CCL24: variants seen among roughly 807,000 people sequenced by gnomAD.
CCL24 encodes the protein C-C motif chemokine 24.
A neutral mutation model predicts 8.6 loss-of-function variants in CCL24; 6 were observed. The ratio of observed to expected loss-of-function variants is 0.70; its 90% CI spans 0.38 to 1.38. CCL24 has a LOEUF of 1.38. CCL24 is among the 40% of genes most tolerant of loss of function. The probability of loss-of-function intolerance (pLI) is 0.02; values close to 1 mark genes in which losing one functional copy is unlikely to be tolerated. For synonymous variants in CCL24, 59 were observed against 52.7 expected, an observed-to-expected ratio of 1.12 and a Z score of -0.52; for missense variants, 126 against 147.1, an observed-to-expected ratio of 0.86 and a Z score of 0.74.
chr7:75,822,877 C>T (rs148558234), intron 1 of CCL24, among the ~76,000 whole-genome samples: 3 of 152,286 alleles, frequency 2.0e-5, no homozygotes, highest in Admixed American at 6.5e-5. Flanking sequence ...AGTTAAATGA[C>T]TTGCTCAAGA....
chr7:75,813,823 C>T (rs533215657), upstream of CCL24: 6 of 813,892 alleles, frequency 7.4e-6, no homozygotes, highest in African/African-American at 1.0e-4. Flanking sequence ...AACTCCCTCC[C>T]TCTGCCCTTT....
chr7:75,819,351 G>A (rs1316084253), intron 1 of CCL24, among the ~76,000 whole-genome samples: 2 of 109,250 alleles, frequency 1.8e-5, no homozygotes, highest in Non-Finnish European at 3.6e-5. Flanking sequence ...TAGGCTGGGC[G>A]ATGTGGCTCA....
At chr7:75,823,150 G>A (rs2115823627) in intron 1 of CCL24, among the ~76,000 whole-genome samples, 1 of 152,294 alleles carries the variant, frequency 6.6e-6, no homozygotes, top group South Asian at 2.1e-4. Flanking sequence ...TGATGCAGGG[G>A]GGAGAGGGCA....
upstream of CCL24, among the ~76,000 whole-genome samples, chr7:75,815,119 G>A (rs977860265): frequency 6.6e-6 from 1 of 151,510 alleles, no homozygotes; most frequent in Admixed American, 6.6e-5. Flanking sequence ...CGGGAGGATT[G>A]ACTGAGGCCA....
chr7:75,813,551 G>A (rs1480684718), intron 1 of CCL24, 92 bp downstream of exon 1: 8 of 1,313,798 alleles, frequency 6.1e-6, no homozygotes, highest in African/African-American at 2.9e-5. Context: ...TTTCCCCAGC[G>A]CTTCCCTCCA....
At chr7:75,821,936 A>AG (rs1804059160) in intron 1 of CCL24, among the ~76,000 whole-genome samples, 1 of 151,210 alleles carries the variant, frequency 6.6e-6, no homozygotes. Context: ...TCAAAAAAAA[A>AG]AAAAAAGAAA....
At chr7:75,820,049 C>G (rs1321127889) in intron 1 of CCL24, among the ~76,000 whole-genome samples, 2 of 139,112 alleles carry the variant, frequency 1.4e-5, no homozygotes, top group Middle Eastern at 3.5e-3. Flanking sequence ...TCTTCTTCTT[C>G]TTCTTCTTCT....
At chr7:75,822,216 C>T (rs1274337691) in intron 1 of CCL24, among the ~76,000 whole-genome samples, 1 of 152,206 alleles carries the variant, frequency 6.6e-6, no homozygotes, top group African/African-American at 2.4e-5. Flanking sequence ...AACTGCCCCA[C>T]CCAGCTCAAG....
intron 1 of CCL24, among the ~76,000 whole-genome samples, chr7:75,820,162 TC>T (rs1554534897): frequency 2.3e-5 from 2 of 86,034 alleles, no homozygotes; most frequent in African/African-American, 4.1e-5. Flanking sequence ...CTTCTCCTTC[TC>T]CTTCTCCTTC....
At chr7:75,820,736 TACCC>T (rs1554534979) in intron 1 of CCL24, among the ~76,000 whole-genome samples, 2 of 143,486 alleles carry the variant, frequency 1.4e-5, no homozygotes, top group Non-Finnish European at 3.0e-5. Flanking sequence ...CCCATCCACC[TACCC>T]ACCCATGCAT....
intron 1 of CCL24, among the ~76,000 whole-genome samples, chr7:75,820,842 TCCATCCCTCCAC>T (rs1483798977): frequency 2.0e-5 from 3 of 150,768 alleles, no homozygotes; most frequent in Non-Finnish European, 4.4e-5. Context: ...CATCCATCCA[TCCATCCCTCCAC>T]CCATCTATCT....
At chr7:75,822,069 T>A (rs542183071) in intron 1 of CCL24, among the ~76,000 whole-genome samples, 3 of 151,596 alleles carry the variant, frequency 2.0e-5, no homozygotes, top group Non-Finnish European at 4.4e-5. Flanking sequence ...ACCATTGCAC[T>A]CTAGCCTGGG....
At chr7:75,823,122 G>A (rs1188315175) in intron 1 of CCL24, among the ~76,000 whole-genome samples, 1 of 152,166 alleles carries the variant, frequency 6.6e-6, no homozygotes, top group Non-Finnish European at 1.5e-5. Flanking sequence ...TAAAGGAAGC[G>A]GGTAGACATC....
At chr7:75,815,468 C>T (rs1803869477), upstream of CCL24, among the ~76,000 whole-genome samples, 1 of 151,746 alleles carries the variant, frequency 6.6e-6, no homozygotes, top group African/African-American at 2.4e-5. Flanking sequence ...ATAGCAAAAC[C>T]CCGTCTTTAA....
chr7:75,811,607 C>A lies in CCL24; in HGVS notation c.*189G>T. 1 of 521,682 alleles carries A rather than the reference C, an allele frequency of 1.9e-6. No homozygotes were observed. Among genetic ancestry groups the A allele is most frequent in the Non-Finnish European group, 3.3e-6 (1 of 299,666 alleles). The allele number at this position is 521,682 out of a possible 1,614,324, so 32.3% of individuals were successfully genotyped here. A position where few individuals can be genotyped will look rare whatever the true frequency, so the allele number is the denominator to read the frequency against. On this transcript the variant is annotated 3_prime_UTR_variant, in exon 3 of 3. Coordinates refer to ENST00000222902, the MANE Select transcript of CCL24 (RefSeq NM_002991.3). ...GCAAGGGGCCTTGGATGCTTGGAGCCATTGCTCAGCCCCCGGGAACCACAT... is the reference window on the plus strand; with the variant it reads ...GCAAGGGGCCTTGGATGCTTGGAGCAATTGCTCAGCCCCCGGGAACCACAT...
rs1319095620 is a variant in CCL24 at position 75,811,618 on chromosome 7, C to T, written c.*178G>A. On this transcript the variant is annotated 3_prime_UTR_variant, in exon 3 of 3. Transcript: ENST00000222902. ...TGGATGCTTGGAGCCATTGCTCAGC[C>T]CCCGGGAACCACATCACCTGCTCCC... The T allele has an allele frequency of 1.8e-6, 1 of 554,126 alleles. No homozygotes were observed. Among genetic ancestry groups the T allele is most frequent in the East Asian group, 3.2e-5 (1 of 31,066 alleles). 34.3% of individuals were successfully genotyped at this position (554,126 alleles called of 1,614,324 possible).
intron 1 of CCL24, among the ~76,000 whole-genome samples, chr7:75,822,620 G>T (rs1416724646): frequency 9.0e-6 from 1 of 110,710 alleles, no homozygotes; most frequent in Non-Finnish European, 2.0e-5. Context: ...ATCACCAGGG[G>T]TCAGTTCGAG....
chr7:75,820,796 TATCCATCCATCCATTCACTAATCCATCC>T (rs1804030975), intron 1 of CCL24, among the ~76,000 whole-genome samples: 1 of 145,312 alleles, frequency 6.9e-6, no homozygotes, highest in South Asian at 2.2e-4. Context: ...TCTACTCATC[TATCCATCCATCCATTCACTAATCCATCC>T]ATCCATCCAT....
At chr7:75,814,233 A>T (rs1408854635), upstream of CCL24, among the ~76,000 whole-genome samples, 2 of 152,092 alleles carry the variant, frequency 1.3e-5, no homozygotes, top group Non-Finnish European at 2.9e-5. Flanking sequence ...GGAGGACTCT[A>T]ATGGGGAGAC....
Sources: allele counts gnomAD v4.1 joint callset (sites outside exome capture counted in the v4.1 genomes callset), GRCh38; gene constraint gnomAD v4.1.1; transcripts MANE v1.5; gene names NCBI Gene and HGNC (gene_info 2026-07-23, HGNC 2026-07-21).